VSTM4: variants seen among roughly 807,000 people sequenced by gnomAD.
VSTM4 encodes V-set and transmembrane domain-containing protein 4.
A neutral mutation model predicts 36.4 loss-of-function variants in VSTM4; 20 were observed. The ratio of observed to expected loss-of-function variants is 0.55; its 90% CI spans 0.39 to 0.80. The LOEUF is 0.80. VSTM4 is among the 30% of genes least tolerant of loss of function. The probability of loss-of-function intolerance (pLI) is 0.00; values close to 1 mark genes in which losing one functional copy is unlikely to be tolerated. For synonymous variants in VSTM4, 182 were observed against 173.9 expected, an observed-to-expected ratio of 1.05 and a Z score of -0.37; for missense variants, 392 against 404.5, an observed-to-expected ratio of 0.97 and a Z score of 0.26.
chr10:49,033,535 T>C (rs1397677001), intron 7 of VSTM4, among the ~76,000 whole-genome samples: 1 of 152,206 alleles, frequency 6.6e-6, no homozygotes, highest in Non-Finnish European at 1.5e-5. Flanking sequence ...GAGATTCTGA[T>C]TGCCGGCCTA....
intron 2 of VSTM4, among the ~76,000 whole-genome samples, chr10:49,093,405 A>G (rs201564637): frequency 1.3e-4 from 20 of 152,338 alleles, no homozygotes; most frequent in Non-Finnish European, 1.9e-4. Flanking sequence ...GGACCCTGAA[A>G]GAGCACCTTT....
chr10:49,092,602 C>G (rs977430129), intron 2 of VSTM4, among the ~76,000 whole-genome samples: 2 of 152,074 alleles, frequency 1.3e-5, no homozygotes, highest in Non-Finnish European at 2.9e-5. Context: ...GGGGAAGGGG[C>G]GTGCTGGGTA....
intron 7 of VSTM4, among the ~76,000 whole-genome samples, chr10:49,031,537 A>C (rs1767513433): frequency 6.6e-6 from 1 of 152,234 alleles, no homozygotes; most frequent in Admixed American, 6.5e-5. Context: ...GAAAGAAGAA[A>C]ACACTTTGAG....
intron 7 of VSTM4, among the ~76,000 whole-genome samples, chr10:49,031,204 T>A (rs1843340490): frequency 1.3e-5 from 2 of 152,222 alleles, no homozygotes; most frequent in South Asian, 4.1e-4. Context: ...ACCCATCTAA[T>A]TGTGCAAGGG....
At position 49,113,863 on chromosome 10, in the gene VSTM4, C is replaced by A. The variant is rs1175297392; in HGVS notation, c.55+1568G>T. On this transcript the variant is annotated intron_variant, in intron 1 of 7. Coordinates refer to ENST00000332853, the MANE Select transcript of VSTM4 (RefSeq NM_001031746.5). Reference sequence around the variant, plus strand: ...ACAGTGAGTGTCCCACAAGCAGGAGCTCTTATCATCCTCCAGGGCTGACCA... The same window carrying A: ...ACAGTGAGTGTCCCACAAGCAGGAGATCTTATCATCCTCCAGGGCTGACCA... Among the ~76,000 whole-genome samples, 10 of 152,262 alleles carry A rather than the reference C, an allele frequency of 6.6e-5. No individual in the cohort carries two copies. The South Asian group carries it at 1.9e-3, about 28-fold the overall frequency.
intron 7 of VSTM4, among the ~76,000 whole-genome samples, chr10:49,042,833 C>T (rs889599973): frequency 2.0e-5 from 3 of 152,072 alleles, no homozygotes; most frequent in African/African-American, 7.2e-5. Flanking sequence ...TAGATATAAA[C>T]ACAAAATATG....
intron 5 of VSTM4, among the ~76,000 whole-genome samples, chr10:49,057,974 C>A (rs745585865): frequency 1.4e-4 from 22 of 152,208 alleles, no homozygotes; most frequent in Non-Finnish European, 3.2e-4. Context: ...ACTGATTAAT[C>A]TGACCCTACA....
chr10:49,042,706 A>T (rs1261729633), intron 7 of VSTM4, among the ~76,000 whole-genome samples: 1 of 152,234 alleles, frequency 6.6e-6, no homozygotes, highest in Non-Finnish European at 1.5e-5. Flanking sequence ...AGAATCATAA[A>T]CAAATATCCA....
chr10:49,035,027 C>T (rs558828463), intron 7 of VSTM4, among the ~76,000 whole-genome samples: 1 of 152,372 alleles, frequency 6.6e-6, no homozygotes, highest in South Asian at 2.1e-4. Context: ...AGCTACTGCT[C>T]TGCAGGGAGG....
intron 7 of VSTM4, among the ~76,000 whole-genome samples, chr10:49,030,615 G>A (rs1265202355): frequency 6.6e-6 from 1 of 152,174 alleles, no homozygotes; most frequent in Admixed American, 6.5e-5. Context: ...TGGGTTGGAC[G>A]AACTCACTCA....
chr10:49,112,516 A>T (rs1458437028), intron 1 of VSTM4, among the ~76,000 whole-genome samples: 1 of 152,258 alleles, frequency 6.6e-6, no homozygotes, highest in South Asian at 2.1e-4. Context: ...CACAGTAAGC[A>T]TAGGCTCCAA....
chr10:49,052,738 ATTTT>A (rs1047431330), intron 5 of VSTM4, among the ~76,000 whole-genome samples: 1 of 151,618 alleles, frequency 6.6e-6, no homozygotes, highest in South Asian at 2.1e-4. Context: ...CTCTTTTTGG[ATTTT>A]TTTTAACTGT....
chr10:49,019,808 C>A (rs764909498), intron 7 of VSTM4, 33 bp from the exon 8 acceptor site: 1 of 1,600,350 alleles, frequency 6.2e-7, no homozygotes, highest in East Asian at 2.2e-5. Context: ...AAACACAATT[C>A]TAGCTGACCA....
In VSTM4 at chr10:49,018,422, G is replaced by A. The variant is rs1843132930; in HGVS notation, c.*1228C>T. On this transcript the variant is annotated 3_prime_UTR_variant, in exon 8 of 8. Transcript: ENST00000332853. ...TTAGCCAAGTTCACACAGCTATATA[G>A]AGGGCACAACTCATACCCCAGCTGT... 6.6e-6 allele frequency: 1 copy of A among 152,186 alleles called. No individual in the cohort carries two copies. 9.4% of individuals were successfully genotyped at this position (152,186 alleles called of 1,614,324 possible). A position where few individuals can be genotyped will look rare whatever the true frequency, so the allele number is the denominator to read the frequency against.
chr10:49,029,173 T>C (rs1843308298), intron 7 of VSTM4, among the ~76,000 whole-genome samples: 1 of 152,212 alleles, frequency 6.6e-6, no homozygotes, highest in African/African-American at 2.4e-5. Context: ...CTGTGAAGCT[T>C]ATCAGTCCTA....
chr10:49,029,192 G>A (rs981934326), intron 7 of VSTM4, among the ~76,000 whole-genome samples: 5 of 152,178 alleles, frequency 3.3e-5, no homozygotes, highest in African/African-American at 7.2e-5. Flanking sequence ...TACTATCATC[G>A]ACATGCCTTG....
intron 5 of VSTM4, among the ~76,000 whole-genome samples, chr10:49,051,954 A>G (rs943257968): frequency 4.1e-5 from 2 of 48,738 alleles, no homozygotes; most frequent in East Asian, 4.5e-4. Flanking sequence ...AATTTTTCAT[A>G]TTTATATTCT....
In VSTM4 at chr10:49,014,248, G is replaced by A. The variant is rs1299495848; in HGVS notation, c.*5402C>T. On this transcript the variant is annotated 3_prime_UTR_variant, in exon 8 of 8. Transcript: ENST00000332853. ...TTTCTCCTCGTTGTTGATGGAGGAC[G>A]CTTGTAATAAAGTTTAATGTGGAAG... 6.6e-6 allele frequency: 1 copy of A among 152,250 alleles called. No individual in the cohort carries two copies. The highest frequency in any genetic ancestry group is 1.5e-5 in the Non-Finnish European group (1 of 68,062). The allele number at this position is 152,250 out of a possible 1,614,324, so 9.4% of individuals were successfully genotyped here.
chr10:49,064,349 T>C (rs1390383398), intron 5 of VSTM4: 3 of 267,020 alleles, frequency 1.1e-5, no homozygotes, highest in South Asian at 1.1e-4. Context: ...TAAGTCAGCA[T>C]TGGTGAAGAG....
Sources: allele counts gnomAD v4.1 joint callset (sites outside exome capture counted in the v4.1 genomes callset), GRCh38; gene constraint gnomAD v4.1.1; transcripts MANE v1.5; gene names NCBI Gene and HGNC (gene_info 2026-07-23, HGNC 2026-07-21).